TMEM260: variants seen among roughly 807,000 people sequenced by gnomAD.
The protein encoded by TMEM260 is transmembrane protein 260.
Under a neutral mutation model 88.9 loss-of-function variants are expected in TMEM260, and 82 were observed. That is an observed-to-expected ratio of 0.92 (90% CI 0.77 to 1.11). The LOEUF (loss-of-function observed/expected upper bound fraction) is 1.11, where lower values mean the gene tolerates loss of function less well. Among genes scored for constraint, TMEM260 ranks in the 50% least tolerant of loss-of-function variants. The probability of loss-of-function intolerance (pLI) is 0.00; values close to 1 mark genes in which losing one functional copy is unlikely to be tolerated. For synonymous variants in TMEM260, 314 were observed against 309.3 expected (o/e 1.02, Z -0.16); for missense variants, 902 against 853.4 (o/e 1.06, Z -0.71).
At chr14:56,588,631 G>A (rs1252218356) in intron 3 of TMEM260, among the ~76,000 whole-genome samples, 1 of 151,986 alleles carries the variant, frequency 6.6e-6, no homozygotes, top group Non-Finnish European at 1.5e-5. Context: ...AAGCATATGA[G>A]TAAAACAGCA....
Position 56,647,527 on chromosome 14 carries a change from G to A in TMEM260, c.*30G>A, listed in dbSNP as rs200559013. ...GCAAAATATGAAAAACCTGCTCATCGTTCAGCTTCCAAAATTCTGAAGTCT... is the reference window on the plus strand; with the variant it reads ...GCAAAATATGAAAAACCTGCTCATCATTCAGCTTCCAAAATTCTGAAGTCT... On this transcript the variant is annotated 3_prime_UTR_variant, in exon 16 of 16. Coordinates refer to ENST00000261556, the MANE Select transcript of TMEM260 (RefSeq NM_017799.4). 126 of 1,549,790 alleles carry A rather than the reference G, an allele frequency of 8.1e-5. 1 individual carries two copies. The highest frequency in any genetic ancestry group is 8.0e-4 in the Admixed American group (37 of 46,302).
rs772864422 is a variant in TMEM260 at position 56,605,731 on chromosome 14, C to CT, written c.636+49dup. 1.9e-5 allele frequency: 21 copies of CT among 1,122,528 alleles called. 1 individual carries two copies. The South Asian group carries it at 2.1e-4, about 11-fold the overall frequency. The allele number at this position is 1,122,528 out of a possible 1,614,324, so 69.5% of individuals were successfully genotyped here. A position where few individuals can be genotyped will look rare whatever the true frequency, so the allele number is the denominator to read the frequency against. ...AAAAAGTACAATATTTTACTTAGGT[C>CT]TAATATAACATTTTTGTCATGAGAA... On this transcript the variant is annotated intron_variant, in intron 5 of 15. Transcript: ENST00000261556.
At chr14:56,618,527 A>T in intron 9 of TMEM260, 67 bp from the exon 10 acceptor site, 1 of 1,461,136 alleles carries the variant, frequency 6.8e-7, no homozygotes, top group South Asian at 1.3e-5. Context: ...TTTAAAAAAT[A>T]TATGAGGAGC....
At chr14:56,656,164 C>T in the TMEM260 span, among the ~76,000 whole-genome samples, 1 of 152,166 alleles carries the variant, frequency 6.6e-6, no homozygotes, top group South Asian at 2.1e-4. Flanking sequence ...CACCTGTAAT[C>T]TCACCACTTT....
chr14:56,596,827 T>G (rs1886277960), intron 3 of TMEM260, among the ~76,000 whole-genome samples: 1 of 149,616 alleles, frequency 6.7e-6, no homozygotes. Flanking sequence ...ACCAATATGC[T>G]GATAGGTTAT....
intron 3 of TMEM260, among the ~76,000 whole-genome samples, chr14:56,595,775 C>T (rs1886169130): frequency 2.6e-5 from 4 of 152,114 alleles, no homozygotes; most frequent in Admixed American, 1.3e-4. Context: ...GGATGAGCCA[C>T]CATGCCCAGT....
chr14:56,647,766 A>G lies in TMEM260; in HGVS notation c.*269A>G, dbSNP rs1209897751. 4 of 418,492 alleles carry G rather than the reference A, an allele frequency of 9.6e-6. No homozygotes were observed. Among genetic ancestry groups the G allele is most frequent in the South Asian group, 6.0e-5 (2 of 33,382 alleles). 25.9% of individuals were successfully genotyped at this position (418,492 alleles called of 1,614,324 possible). On this transcript the variant is annotated 3_prime_UTR_variant, in exon 16 of 16. Coordinates refer to ENST00000261556, the MANE Select transcript of TMEM260 (RefSeq NM_017799.4). ...CTTCTGACTTCCAGTCTTTCACCAG[A>G]TGACTGCACTGGATTAGATTCTAGA...
At chr14:56,629,510 A>G (rs998793542) in intron 12 of TMEM260, among the ~76,000 whole-genome samples, 3 of 152,104 alleles carry the variant, frequency 2.0e-5, no homozygotes, top group Non-Finnish European at 4.4e-5. Context: ...TTTATCAGAT[A>G]CTTACCAGAT....
At chr14:56,591,554 T>G (rs1028571807) in intron 3 of TMEM260, among the ~76,000 whole-genome samples, 2 of 152,232 alleles carry the variant, frequency 1.3e-5, no homozygotes, top group African/African-American at 4.8e-5. Context: ...CCGGTGCCTT[T>G]GAGAATACTC....
chr14:56,583,546 A>G (rs1885276424), intron 1 of TMEM260, among the ~76,000 whole-genome samples: 1 of 152,072 alleles, frequency 6.6e-6, no homozygotes, highest in African/African-American at 2.4e-5. Flanking sequence ...GGATAGGATA[A>G]TGTTTTTAAA....
Position 56,617,230 on chromosome 14 carries a change from G to T in TMEM260, c.989G>T (p.Cys330Phe), listed in dbSNP as rs777056145. ...GTATGGCTTTTTACTGGAATGTTTT[G>T]CATTTATTCATTGTTCTTTGCTTGG... Reference protein sequence around the residue: ...SLVWLFTGMFCIYSLFFAWRA... With the variant: ...SLVWLFTGMFFIYSLFFAWRA... Residue 330 changes from cysteine to phenylalanine, a missense_variant, in exon 9 of 16, where the codon TGC becomes TTC. By Grantham distance (205) the Cys-to-Phe change is radical (BLOSUM62 -2). Coordinates refer to ENST00000261556, the MANE Select transcript of TMEM260 (RefSeq NM_017799.4). 6.2e-7 allele frequency: 1 copy of T among 1,605,316 alleles called. No homozygotes were observed. Among genetic ancestry groups the T allele is most frequent in the Admixed American group, 1.7e-5 (1 of 58,240 alleles).
At chr14:56,606,759 G>C (rs79963634) in intron 5 of TMEM260, among the ~76,000 whole-genome samples, 1 of 152,126 alleles carries the variant, frequency 6.6e-6, no homozygotes, top group African/African-American at 2.4e-5. Flanking sequence ...GCTGGGCTTG[G>C]CAGTGTGCGC....
At position 56,593,677 on chromosome 14, in the gene TMEM260, C is replaced by CTTTTTTT. The variant is rs34268894; in HGVS notation, c.344+7787_344+7793dup. Among the ~76,000 whole-genome samples, 27 of 63,506 alleles carry CTTTTTTT rather than the reference C, an allele frequency of 4.3e-4. 3 individuals carry two copies. The highest frequency in any genetic ancestry group is 1.4e-3 in the East Asian group (3 of 2,124). The allele number at this position is 63,506 out of a possible 152,430, so 41.7% of individuals were successfully genotyped here. ...ATTATTGGTATTGACAGGTGAGTGT[C>CTTTTTTT]TTTTTTTTTTTTTTTTTTTTTTTTT... On this transcript the variant is annotated intron_variant, in intron 3 of 15. Transcript: ENST00000261556.
rs1813406207 is a variant in TMEM260, at chr14:56,648,747, T to A, written c.*1250T>A. 1 of 152,714 alleles carries A rather than the reference T, an allele frequency of 6.5e-6. No homozygotes were observed. Among genetic ancestry groups the A allele is most frequent in the African/African-American group, 2.4e-5 (1 of 41,476 alleles). The allele number at this position is 152,714 out of a possible 1,614,324, so 9.5% of individuals were successfully genotyped here. ...AACCACTAATTCTCTTTTAAAATGCTGCAGGATGCCATGTAGGCATCTGTC... is the reference window on the plus strand; with the variant it reads ...AACCACTAATTCTCTTTTAAAATGCAGCAGGATGCCATGTAGGCATCTGTC... On this transcript the variant is annotated 3_prime_UTR_variant, in exon 16 of 16. Coordinates refer to ENST00000261556, the MANE Select transcript of TMEM260 (RefSeq NM_017799.4).
downstream of TMEM260, among the ~76,000 whole-genome samples, chr14:56,653,741 C>CAAAAAAAAAAAAAAAAAA (rs370392374): frequency 1.0e-5 from 1 of 97,908 alleles, no homozygotes; most frequent in East Asian, 2.4e-4. Flanking sequence ...GTCTCCAAAA[C>CAAAAAAAAAAAAAAAAAA]AAAAAAAAAA....
chr14:56,634,979 C>G (rs768699110), intron 14 of TMEM260, 27 bp downstream of exon 14: 1 of 1,605,824 alleles, frequency 6.2e-7, no homozygotes, highest in Non-Finnish European at 8.5e-7. Flanking sequence ...TTTGTGTGTG[C>G]AGTCTATTTT....
At chr14:56,589,788 T>C (rs769899537) in intron 3 of TMEM260, among the ~76,000 whole-genome samples, 1 of 152,198 alleles carries the variant, frequency 6.6e-6, no homozygotes, top group Non-Finnish European at 1.5e-5. Context: ...ATTAATTTGA[T>C]TAAATTTTAG....
chr14:56,646,885 A>ATC (rs370530727), intron 15 of TMEM260, among the ~76,000 whole-genome samples: 168 of 151,682 alleles, frequency 1.1e-3, no homozygotes, highest in African/African-American at 3.8e-3. Flanking sequence ...AGCTAAATTT[A>ATC]GAGTTTCAAC....
intron 3 of TMEM260, among the ~76,000 whole-genome samples, chr14:56,601,464 A>G (rs954999485): frequency 6.6e-5 from 10 of 152,056 alleles, no homozygotes; most frequent in African/African-American, 2.4e-4. Flanking sequence ...TGTGGTTAAG[A>G]TTGTGTCTGA....
Sources: gnomAD v4.1 joint callset for allele counts (sites outside exome capture counted in the v4.1 genomes callset) on GRCh38, gnomAD v4.1.1 for gene constraint, MANE v1.5 for transcripts, NCBI Gene and HGNC (gene_info 2026-07-23, HGNC 2026-07-21) for gene names.